The following BCAR1 variants were observed in gnomAD, a reference collection of about 807,000 sequenced individuals.
BCAR1 encodes the protein BCAR1 scaffold protein, Cas family member.
Under a neutral mutation model 67.6 loss-of-function variants are expected in BCAR1, and 30 were observed. The ratio of observed to expected loss-of-function variants is 0.44; its 90% CI spans 0.33 to 0.60. BCAR1 has a LOEUF of 0.60. BCAR1 is among the 20% of genes least tolerant of loss of function. BCAR1 has a pLI of 0.02. For synonymous variants in BCAR1, 626 were observed against 556.7 expected (o/e 1.12, Z -1.75); for missense variants, 1,313 against 1,222.3 (o/e 1.07, Z -1.11).
chr16:75,252,234 C>T (rs1239055834), upstream of BCAR1: 2 of 1,536,564 alleles, frequency 1.3e-6, no homozygotes, highest in Non-Finnish European at 1.7e-6. Flanking sequence ...GCAGCACCTA[C>T]CTTCCCCTGC....
At chr16:75,261,143 A>G (rs1597286129) in intron 1 of BCAR1, among the ~76,000 whole-genome samples, 1 of 152,318 alleles carries the variant, frequency 6.6e-6, no homozygotes, top group East Asian at 1.9e-4. Flanking sequence ...ACCTGTCCCC[A>G]GAACTCTTTT....
Position 75,235,151 on chromosome 16 carries a change from G to A in BCAR1, c.1748C>T (p.Ser583Leu), listed in dbSNP as rs750601872. ...LEDLDRLVAC[S>L]RAVPEDAKQL... is the part of the protein sequence containing the mutation. Reference sequence around the variant, plus strand: ...CTTGGCGTCCTCGGGCACAGCCCGCGAGCAGGCCACCAGCCGGTCCAGGTC... The same window carrying A: ...CTTGGCGTCCTCGGGCACAGCCCGCAAGCAGGCCACCAGCCGGTCCAGGTC... Residue 583 changes from serine (S) to leucine (L), a missense_variant, in exon 5 of 7, where the codon TCG (serine) becomes TTG (leucine). This residue lies in a region of BCAR1 where 1,272 missense variants were observed against 1,137.5 expected (regional missense o/e 1.12). Transcript: ENST00000162330. 56 of 1,608,782 alleles carry A rather than the reference G, an allele frequency of 3.5e-5. No homozygotes were observed. The highest frequency in any genetic ancestry group is 2.0e-4 in the Admixed American group (12 of 60,002).
rs897315713 is a variant in BCAR1, at chr16:75,235,998, G to C, written c.913-12C>G. 6.4e-7 allele frequency: 1 copy of C among 1,560,924 alleles called. No individual in the cohort carries two copies. Among genetic ancestry groups the C allele is most frequent in the African/African-American group, 1.4e-5 (1 of 73,942 alleles). ...GGAACGTCGTAGACCTGGGGGACAA[G>C]CGGTGGTCAAGACTGTCCATCTGTC... On this transcript the variant is annotated splice_polypyrimidine_tract_variant and intron_variant, in intron 4 of 6. Transcript: ENST00000162330.
Position 75,239,796 on chromosome 16 carries a change from C to T in BCAR1, c.634-2452G>A, listed in dbSNP as rs1394918905. Among the ~76,000 whole-genome samples the T allele has an allele frequency of 2.6e-5, 4 of 152,208 alleles. 1 individual carries two copies. The highest frequency in any genetic ancestry group is 5.9e-5 in the Non-Finnish European group (4 of 68,018). Reference sequence around the variant, plus strand: ...GCTCCCCTCCCTCCCCAGCTCCAGGCACCCCAGCCTGAGGTCCCAGCACAG... The same window carrying T: ...GCTCCCCTCCCTCCCCAGCTCCAGGTACCCCAGCCTGAGGTCCCAGCACAG... On this transcript the variant is annotated intron_variant, in intron 2 of 6. Transcript: ENST00000162330.
rs2076991152 is a variant in BCAR1 at position 75,233,895 on chromosome 16, T to C, written c.2051A>G (p.Glu684Gly). 1 of 1,610,904 alleles carries C rather than the reference T, an allele frequency of 6.2e-7. No homozygotes were observed. Among genetic ancestry groups the C allele is most frequent in the South Asian group, 1.1e-5 (1 of 90,178 alleles). The change falls in exon 6 of 7, where the codon GAA (glutamate) becomes GGA (glycine). Residue 684 changes from glutamate (E) to glycine (G), a missense_variant. Physicochemically the swap from Glu to Gly is moderately conservative, Grantham distance 98. Transcript: ENST00000162330. Reference protein sequence around the residue: ...EFEKTQKELLEKGSITRQGKS... With the variant: ...EFEKTQKELLGKGSITRQGKS... Reference sequence around the variant, plus strand: ...GCCCTGCCGCGTGATGCTGCCCTTTTCCAGCAGCTCCTTCTGGGTCTTCTC... The same window carrying C: ...GCCCTGCCGCGTGATGCTGCCCTTTCCCAGCAGCTCCTTCTGGGTCTTCTC...
chr16:75,250,237 A>G, intron 1 of BCAR1: 1 of 152,622 alleles, frequency 6.6e-6, no homozygotes, highest in Non-Finnish European at 1.5e-5. Flanking sequence ...AAGCAGTGCC[A>G]GGAGGAAGTG....
rs774802956 is a variant in BCAR1, at chr16:75,235,421, G to A, written c.1478C>T (p.Pro493Leu). The A allele has an allele frequency of 1.5e-5, 24 of 1,608,202 alleles. No individual in the cohort carries two copies. The highest frequency in any genetic ancestry group is 1.8e-5 in the Non-Finnish European group (21 of 1,179,382). ...CACCAGCGGCTCCTGTGGCTCAGAG[G>A]GGCTACGCCAGCTCCCAGTCGCACC... is the stretch of plus-strand genomic sequence containing the variant. ...SAGATGSWRS[P>L]SEPQEPLVQD... The change falls in exon 5 of 7, where the codon CCC (proline) becomes CTC (leucine). Residue 493 changes from proline to leucine, a missense_variant. By Grantham distance (98) the Pro-to-Leu change is moderately conservative. Around this residue, in one of 2 missense-constraint regions of BCAR1, gnomAD observed 1,272 missense variants for 1,137.5 expected, o/e 1.12. Transcript: ENST00000162330.
At chr16:75,252,538 C>CATGGGATG, upstream of BCAR1, 8 of 889,546 alleles carry the variant, frequency 9.0e-6, no homozygotes, top group Non-Finnish European at 1.3e-5. Context: ...GTGCCAGAGC[C>CATGGGATG]CCTGGGCCAG....
rs752549569 is a variant in BCAR1 at position 75,229,859 on chromosome 16, C to G, written c.2265G>C (p.Leu755=). ...CGTCCACGGCGTTGGTCAGTGTGGT[C>G]AGGTTGGCCTCACACTGCTCCAGGT... The part of the protein sequence containing the change: ...LFYLEQCEAN[L]TTLTNAVDAF... Residue 755 remains leucine, a synonymous_variant, in exon 7 of 7, where the codon CTG becomes CTC. Transcript: ENST00000162330. 6.2e-7 allele frequency: 1 copy of G among 1,613,316 alleles called. No individual in the cohort carries two copies. The highest frequency in any genetic ancestry group is 1.3e-5 in the African/African-American group (1 of 75,058).
At chr16:75,251,327 CAGA>C (rs1314777388) in intron 1 of BCAR1, 141 bp downstream of exon 1, 10 of 1,186,114 alleles carry the variant, frequency 8.4e-6, no homozygotes, top group Admixed American at 6.7e-5. Flanking sequence ...CCGGCCAGGG[CAGA>C]AGGAGATCCC....
In BCAR1 at chr16:75,233,877, C is replaced by G. The variant is rs774685128; in HGVS notation, c.2069G>C (p.Arg690Pro). Residue 690 changes from arginine (R) to proline (P), a missense_variant, in exon 6 of 7, where the codon CGG becomes CCG. Around this residue, in one of 2 missense-constraint regions of BCAR1, gnomAD observed 1,272 missense variants for 1,137.5 expected, o/e 1.12. Transcript: ENST00000162330. ...CAACTCCAGCTGGCTCTTGCCCTGC[C>G]GCGTGATGCTGCCCTTTTCCAGCAG... ...KELLEKGSIT[R>P]QGKSQLELQQ... 1.9e-6 allele frequency: 3 copies of G among 1,610,128 alleles called. No individual in the cohort carries two copies. The highest frequency in any genetic ancestry group is 2.2e-5 in the East Asian group (1 of 44,810).
chr16:75,250,787 C>G, intron 1 of BCAR1: 1 of 985,590 alleles, frequency 1.0e-6, no homozygotes. Flanking sequence ...AGAACCCGGC[C>G]CTGGCCCCCT....
At position 75,235,409 on chromosome 16, in the gene BCAR1, T is replaced by C. The variant is rs1359170396; in HGVS notation, c.1490A>G (p.Gln497Arg). The C allele has an allele frequency of 6.2e-7, 1 of 1,607,920 alleles. No homozygotes were observed. Among genetic ancestry groups the C allele is most frequent in the Non-Finnish European group, 8.5e-7 (1 of 1,179,128 alleles). The change falls in exon 5 of 7, where the codon CAG (glutamine) becomes CGG (arginine). Residue 497 changes from glutamine to arginine, a missense_variant. By Grantham distance (43) the Gln-to-Arg change is conservative. Coordinates refer to ENST00000162330, the MANE Select transcript of BCAR1 (RefSeq NM_014567.5). The part of the protein sequence containing the change: ...TGSWRSPSEP[Q>R]EPLVQDLQAA... ...CTGCAGGTCCTGCACCAGCGGCTCC[T>C]GTGGCTCAGAGGGGCTACGCCAGCT...
At chr16:75,257,664 A>C (rs1175983873) in intron 1 of BCAR1, among the ~76,000 whole-genome samples, 1 of 152,180 alleles carries the variant, frequency 6.6e-6, no homozygotes, top group Non-Finnish European at 1.5e-5. Flanking sequence ...TATATTGCCC[A>C]GGCTCGTCTC....
intron 1 of BCAR1, 72 bp from the exon 2 acceptor site, chr16:75,243,162 C>A: frequency 6.8e-7 from 1 of 1,479,356 alleles, no homozygotes; most frequent in Admixed American, 2.1e-5. Flanking sequence ...CAGCTCCTGC[C>A]CTGCTCTGGG....
chr16:75,238,735 C>A, intron 2 of BCAR1: 1 of 985,582 alleles, frequency 1.0e-6, no homozygotes, highest in Non-Finnish European at 1.2e-6. Flanking sequence ...TCTCCAGACT[C>A]ATCTCCCTCC....
At chr16:75,232,170 ATTTTTT>A (rs958569180) in intron 6 of BCAR1, among the ~76,000 whole-genome samples, 1 of 133,492 alleles carries the variant, frequency 7.5e-6, no homozygotes, top group African/African-American at 2.9e-5. Flanking sequence ...ATTTTATTTT[ATTTTTT>A]TTGAGACGGA....
At chr16:75,251,027 G>A (rs2077664733) in intron 1 of BCAR1, 1 of 975,988 alleles carries the variant, frequency 1.0e-6, no homozygotes, top group Non-Finnish European at 1.2e-6. Flanking sequence ...GTCCCCCGGA[G>A]CTCCTCCCTC....
chr16:75,242,636 G>C lies in BCAR1; in HGVS notation c.467C>G (p.Pro156Arg). The change falls in exon 2 of 7, where the codon CCG (proline) becomes CGG (arginine). Residue 156 changes from proline to arginine, a missense_variant. Transcript: ENST00000162330. ...STFSKQTPHH[P>R]FPSPATDLYQ... is the part of the protein sequence containing the mutation. ...CAGGTCTGTGGCCGGGCTGGGAAACGGGTGATGGGGTGTCTGCTTCGAGAA... is the reference window on the plus strand; with the variant it reads ...CAGGTCTGTGGCCGGGCTGGGAAACCGGTGATGGGGTGTCTGCTTCGAGAA... 1 of 1,515,008 alleles carries C rather than the reference G, an allele frequency of 6.6e-7. No individual in the cohort carries two copies. Among genetic ancestry groups the C allele is most frequent in the Non-Finnish European group, 8.8e-7 (1 of 1,132,006 alleles). 93.8% of individuals were successfully genotyped at this position (1,515,008 alleles called of 1,614,324 possible).
Sources: gnomAD v4.1 joint callset for allele counts (sites outside exome capture counted in the v4.1 genomes callset) on GRCh38, gnomAD v4.1.1 for gene constraint, gnomAD v4.1.1 regional missense constraint, MANE v1.5 for transcripts, NCBI Gene and HGNC (gene_info 2026-07-23, HGNC 2026-07-21) for gene names.